NUMA1: variants seen among roughly 807,000 people sequenced by gnomAD.
The protein encoded by NUMA1 is nuclear mitotic apparatus protein 1.
In NUMA1, 62 loss-of-function variants were observed where a neutral mutation model predicts 237.1. The observed-to-expected ratio is 0.26, with a 90% CI of 0.21 to 0.32. NUMA1 has a LOEUF of 0.32. Among genes scored for constraint, NUMA1 ranks in the 10% least tolerant of loss-of-function variants. The pLI is 1.00. For synonymous variants in NUMA1, 1,028 were observed against 1,066.1 expected (o/e 0.96, Z 0.70); for missense variants, 2,533 against 2,666.5 (o/e 0.95, Z 1.10).
rs765923217 is a variant in NUMA1, at chr11:72,012,920, T to C, written c.4583A>G (p.Glu1528Gly). 42 of 1,614,006 alleles carry C rather than the reference T, an allele frequency of 2.6e-5. No homozygotes were observed. The highest frequency in any genetic ancestry group is 4.0e-5 in the African/African-American group (3 of 74,918). ...KVLEERQRFQ[E>G]ERQKLTAQVE... ...CTGGGCAGTGAGTTTCTGCCTCTCTTCCTGGAACCGCTGCCTCTCCTCCAG... is the reference window on the plus strand; with the variant it reads ...CTGGGCAGTGAGTTTCTGCCTCTCTCCCTGGAACCGCTGCCTCTCCTCCAG... Residue 1528 changes from glutamate (E) to glycine (G), a missense_variant, in exon 15 of 27, where the codon GAA (glutamate) becomes GGA (glycine). Coordinates refer to ENST00000393695, the MANE Select transcript of NUMA1 (RefSeq NM_006185.4).
intron 13 of NUMA1, chr11:72,016,738 A>T: frequency 3.4e-6 from 2 of 594,806 alleles, no homozygotes; most frequent in Non-Finnish European, 5.8e-6. Flanking sequence ...CAATAAAGTC[A>T]TAATGTAACC....
rs1156299138 is a variant in NUMA1 at position 72,056,632 on chromosome 11, C to CT, written c.-33+13209dup. Among the ~76,000 whole-genome samples, 204 of 25,216 alleles carry CT rather than the reference C, an allele frequency of 8.1e-3. 9 individuals are homozygous for CT. The highest frequency in any genetic ancestry group is 0.019 in the Middle Eastern group (1 of 54). 16.5% of individuals were successfully genotyped at this position (25,216 alleles called of 152,430 possible). A position where few individuals can be genotyped will look rare whatever the true frequency, so the allele number is the denominator to read the frequency against. On this transcript the variant is annotated intron_variant, in intron 2 of 26. Coordinates refer to ENST00000393695, the MANE Select transcript of NUMA1 (RefSeq NM_006185.4). ...ATCGCGCCTGACCAAGATCCCATCT[C>CT]TTTAAAAAAAAAAAAAAAAAAAAAA...
chr11:72,037,759 C>A (rs1013998339), intron 2 of NUMA1, among the ~76,000 whole-genome samples: 9 of 152,202 alleles, frequency 5.9e-5, no homozygotes, highest in Admixed American at 1.3e-4. Flanking sequence ...TGGAATTGAG[C>A]CAATTCACCT....
At chr11:72,022,634 G>A (rs552561189) in intron 6 of NUMA1, among the ~76,000 whole-genome samples, 5 of 148,708 alleles carry the variant, frequency 3.4e-5, no homozygotes, top group Admixed American at 1.3e-4. Flanking sequence ...AAAGCTGAGC[G>A]CCAAGATTCC....
chr11:72,012,141 C>T, intron 16 of NUMA1: 1 of 482,860 alleles, frequency 2.1e-6, no homozygotes, highest in Non-Finnish European at 3.7e-6. Context: ...GAAGCCAGTG[C>T]TACCCCTTGT....
intron 2 of NUMA1, chr11:72,068,546 G>C (rs766431015): frequency 6.6e-6 from 1 of 152,258 alleles, no homozygotes; most frequent in African/African-American, 2.4e-5. Context: ...GCTTGAACCC[G>C]AGAGGTGGAG....
chr11:72,061,365 T>C (rs958406274), intron 2 of NUMA1, among the ~76,000 whole-genome samples: 2 of 152,154 alleles, frequency 1.3e-5, no homozygotes, highest in Non-Finnish European at 2.9e-5. Context: ...AGGTCTGGTA[T>C]ATAATCCCAA....
At chr11:72,007,468 T>C in intron 20 of NUMA1, 33 bp from the exon 21 acceptor site, 1 of 1,609,722 alleles carries the variant, frequency 6.2e-7, no homozygotes, top group Non-Finnish European at 8.5e-7. Flanking sequence ...GGTACAGTCC[T>C]TCACGCTAGA....
chr11:72,017,651 G>A (rs1938051895), intron 13 of NUMA1, 36 bp downstream of exon 13: 1 of 1,610,746 alleles, frequency 6.2e-7, no homozygotes, highest in African/African-American at 1.3e-5. Context: ...TGCACATGTG[G>A]TCAAGACTGT....
At chr11:72,003,626 G>A (rs373124025) in intron 26 of NUMA1, 88 bp from the exon 27 acceptor site, 17 of 1,533,284 alleles carry the variant, frequency 1.1e-5, no homozygotes, top group Middle Eastern at 1.7e-4. Flanking sequence ...CTGCTCCCAC[G>A]CCCCTGTCTG....
intron 2 of NUMA1, among the ~76,000 whole-genome samples, chr11:72,052,077 A>G (rs1009508363): frequency 6.6e-6 from 1 of 152,192 alleles, no homozygotes; most frequent in African/African-American, 2.4e-5. Context: ...AGAAAACTGC[A>G]CTGCCAGGGC....
chr11:72,018,308 G>T lies in NUMA1; in HGVS notation c.861-8C>A. 1 of 1,612,498 alleles carries T rather than the reference G, an allele frequency of 6.2e-7. No individual in the cohort carries two copies. Among genetic ancestry groups the T allele is most frequent in the African/African-American group, 1.3e-5 (1 of 75,032 alleles). ...TGCAGCCGCATGGTAAGGCTGCGAG[G>T]GAGGGAAGCAGTGAGAAGAGAGTAT... On this transcript the variant is annotated splice_region_variant and splice_polypyrimidine_tract_variant and intron_variant, in intron 11 of 26. Coordinates refer to ENST00000393695, the MANE Select transcript of NUMA1 (RefSeq NM_006185.4).
intron 2 of NUMA1, among the ~76,000 whole-genome samples, chr11:72,037,535 C>A (rs1017240007): frequency 6.6e-6 from 1 of 152,126 alleles, no homozygotes; most frequent in Non-Finnish European, 1.5e-5. Context: ...AAAGATCATC[C>A]TGTGCTAGAA....
At chr11:72,026,737 C>T (rs994001330) in intron 4 of NUMA1, among the ~76,000 whole-genome samples, 1 of 152,164 alleles carries the variant, frequency 6.6e-6, no homozygotes, top group East Asian at 1.9e-4. Flanking sequence ...CTTCTATCTA[C>T]CCTCCAACCT....
rs562624156 is a variant in NUMA1 at position 72,015,212 on chromosome 11, C to T, written c.2291G>A (p.Arg764His). Residue 764 changes from arginine to histidine, a missense_variant, in exon 15 of 27, where the codon CGC (arginine) becomes CAC (histidine). Transcript: ENST00000393695. This position sits in a 1 kb window ranked among gnomAD's most constrained non-coding sequence, Gnocchi z 4.0. ...CTGTAATCGAGCCTCCAGCCCCTTGCGCCCAGCCCTCTCTTCTTCCAGCTC... is the reference window on the plus strand; with the variant it reads ...CTGTAATCGAGCCTCCAGCCCCTTGTGCCCAGCCCTCTCTTCTTCCAGCTC... ...RKELEEERAG[R>H]KGLEARLQQL... 2.7e-4 allele frequency: 441 copies of T among 1,613,478 alleles called. 5 individuals are homozygous for T. In the South Asian group the frequency reaches 4.3e-3, roughly 16 times the overall value.
At chr11:72,079,710 G>C (rs1943958190) in intron 1 of NUMA1, among the ~76,000 whole-genome samples, 2 of 149,468 alleles carry the variant, frequency 1.3e-5, no homozygotes, top group Admixed American at 1.3e-4. Context: ...CATGTTATCT[G>C]TGAGAGTCCA....
intron 2 of NUMA1, among the ~76,000 whole-genome samples, chr11:72,053,895 A>G (rs949553593): frequency 3.9e-5 from 6 of 152,194 alleles, no homozygotes; most frequent in Non-Finnish European, 7.3e-5. Flanking sequence ...ACAACTATTT[A>G]CATAGTATTT....
intron 2 of NUMA1, among the ~76,000 whole-genome samples, chr11:72,055,947 C>T (rs1182019431): frequency 7.0e-6 from 1 of 143,324 alleles, no homozygotes; most frequent in Non-Finnish European, 1.5e-5. Context: ...AAAACCACAT[C>T]TCTACTAAAA....
At chr11:72,074,649 G>C (rs1306412679) in intron 1 of NUMA1, among the ~76,000 whole-genome samples, 1 of 152,160 alleles carries the variant, frequency 6.6e-6, no homozygotes, top group Non-Finnish European at 1.5e-5. Context: ...TGAGGTGGGA[G>C]GATAGCTTGA....
Sources: allele counts gnomAD v4.1 joint callset (sites outside exome capture counted in the v4.1 genomes callset), GRCh38; gene constraint gnomAD v4.1.1; non-coding constraint Gnocchi (gnomAD v3.1); transcripts MANE v1.5; gene names NCBI Gene and HGNC (gene_info 2026-07-23, HGNC 2026-07-21).